Variants in ROBO2 observed in about 807,000 individuals in gnomAD.
ROBO2 encodes roundabout guidance receptor 2.
ROBO2 carries 53 observed loss-of-function variants against 160.8 expected under a neutral mutation model. The ratio of observed to expected loss-of-function variants is 0.33; its 90% CI spans 0.26 to 0.41. The LOEUF is 0.41. Among genes scored for constraint, ROBO2 ranks in the 10% least tolerant of loss-of-function variants. The pLI, the probability that ROBO2 is intolerant of heterozygous loss-of-function variation, is 1.00. For synonymous variants in ROBO2, 664 were observed against 611.7 expected (o/e 1.09, Z -1.26); for missense variants, 1,577 against 1,722.4 (o/e 0.92, Z 1.49).
intron 2 of ROBO2, among the ~76,000 whole-genome samples, chr3:75,997,054 C>T (rs1031724628): frequency 1.3e-5 from 2 of 152,122 alleles, no homozygotes; most frequent in African/African-American, 2.4e-5. Flanking sequence ...TATGTCATTT[C>T]TTTATTTGTC....
intron 2 of ROBO2, among the ~76,000 whole-genome samples, chr3:77,320,828 T>C (rs1010388751): frequency 1.5e-4 from 23 of 152,214 alleles, no homozygotes; most frequent in African/African-American, 5.5e-4. Flanking sequence ...TAAAACATTA[T>C]CTGATATGTG....
intron 21 of ROBO2, among the ~76,000 whole-genome samples, chr3:77,617,201 A>G (rs2094799049): frequency 6.7e-6 from 1 of 148,898 alleles, no homozygotes; most frequent in Non-Finnish European, 1.5e-5. Flanking sequence ...ATTGTCTTTA[A>G]TTAGCAATTT....
chr3:76,846,502 T>C (rs1439202770), intron 2 of ROBO2, among the ~76,000 whole-genome samples: 2 of 152,126 alleles, frequency 1.3e-5, no homozygotes, highest in Non-Finnish European at 2.9e-5. Context: ...TTTGTTTTCT[T>C]ACTTTAGTAT....
chr3:77,638,447 T>C (rs2095298991), intron 24 of ROBO2, among the ~76,000 whole-genome samples: 1 of 152,152 alleles, frequency 6.6e-6, no homozygotes, highest in Non-Finnish European at 1.5e-5. Context: ...GAGGTTGTAA[T>C]GGCAAGTGGC....
At chr3:77,324,937 G>A (rs1581079271) in intron 2 of ROBO2, among the ~76,000 whole-genome samples, 1 of 152,108 alleles carries the variant, frequency 6.6e-6, no homozygotes, top group Non-Finnish European at 1.5e-5. Flanking sequence ...CACCTTAGAA[G>A]TGATATTCTC....
At chr3:77,601,960 T>C (rs1407427059) in intron 19 of ROBO2, among the ~76,000 whole-genome samples, 1 of 152,118 alleles carries the variant, frequency 6.6e-6, no homozygotes, top group Non-Finnish European at 1.5e-5. Flanking sequence ...GTCTCATTCA[T>C]GGTTAAAGAA....
At chr3:77,493,566 C>G (rs377715520) in intron 5 of ROBO2, among the ~76,000 whole-genome samples, 184 bp downstream of exon 5, 7 of 152,178 alleles carry the variant, frequency 4.6e-5, no homozygotes, top group African/African-American at 1.7e-4. Flanking sequence ...CTTTCAATGT[C>G]ACTCTTTCAA....
intron 2 of ROBO2, among the ~76,000 whole-genome samples, chr3:77,255,573 C>A (rs2090834108): frequency 6.6e-6 from 1 of 152,156 alleles, no homozygotes; most frequent in Non-Finnish European, 1.5e-5. Flanking sequence ...ATTTGGGGAA[C>A]ACAGGATCCC....
intron 2 of ROBO2, among the ~76,000 whole-genome samples, chr3:76,531,620 CTTTTTT>C (rs74266991): frequency 1.3e-4 from 16 of 121,854 alleles, no homozygotes; most frequent in Non-Finnish European, 1.9e-4. Flanking sequence ...TGTACAGTTT[CTTTTTT>C]TTTTTTTTTT....
At chr3:77,540,766 C>T (rs775764) in intron 6 of ROBO2, among the ~76,000 whole-genome samples, 67,966 of 151,992 alleles carry the variant, frequency 0.45, 15,366 homozygotes, top group East Asian at 0.57. Context: ...CTGTGTTACT[C>T]ATGCCCTGAG....
At chr3:77,068,307 A>T (rs1302873102) in intron 1 of ROBO2, among the ~76,000 whole-genome samples, 1 of 152,146 alleles carries the variant, frequency 6.6e-6, no homozygotes, top group Non-Finnish European at 1.5e-5. Flanking sequence ...TGTGTTTGAA[A>T]GGAAATAAAA....
intron 2 of ROBO2, among the ~76,000 whole-genome samples, chr3:76,938,554 T>G (rs927869705): frequency 6.6e-6 from 1 of 152,040 alleles, no homozygotes; most frequent in Admixed American, 6.6e-5. Context: ...ATTCTAGAAA[T>G]TGATAGAAGG....
At chr3:77,041,866 A>C (rs1424061150) in intron 1 of ROBO2, among the ~76,000 whole-genome samples, 1 of 152,152 alleles carries the variant, frequency 6.6e-6, no homozygotes, top group Admixed American at 6.5e-5. Flanking sequence ...CTTGTAAAGA[A>C]CCTAAAGGGT....
At chr3:76,430,338 A>C (rs2076387071) in intron 2 of ROBO2, among the ~76,000 whole-genome samples, 1 of 152,194 alleles carries the variant, frequency 6.6e-6, no homozygotes, top group African/African-American at 2.4e-5. Flanking sequence ...TTTCAGTCAC[A>C]GTTAGTATGA....
chr3:76,930,041 C>T (rs2077237886), intron 2 of ROBO2, among the ~76,000 whole-genome samples: 1 of 151,568 alleles, frequency 6.6e-6, no homozygotes, highest in South Asian at 2.1e-4. Context: ...TTTTTTCTTT[C>T]GAGACAGATT....
chr3:76,725,014 C>G (rs1189001333), intron 2 of ROBO2, among the ~76,000 whole-genome samples: 1 of 152,118 alleles, frequency 6.6e-6, no homozygotes. Context: ...CCTAGAGTCT[C>G]TGCAGGGAAC....
At chr3:77,429,139 G>C (rs1049081350) in intron 2 of ROBO2, among the ~76,000 whole-genome samples, 13 of 152,136 alleles carry the variant, frequency 8.5e-5, no homozygotes, top group African/African-American at 3.1e-4. Context: ...ACACAAATCA[G>C]CTATTTATAT....
At chr3:76,773,101 T>G (rs560546081) in intron 2 of ROBO2, among the ~76,000 whole-genome samples, 1 of 151,216 alleles carries the variant, frequency 6.6e-6, no homozygotes, top group African/African-American at 2.4e-5. Context: ...GTTCATTGTT[T>G]CCATGTAAAG....
chr3:77,610,794 C>G (rs983661143), intron 21 of ROBO2, among the ~76,000 whole-genome samples: 1 of 99,060 alleles, frequency 1.0e-5, no homozygotes, highest in African/African-American at 3.7e-5. Context: ...CAATGAAAGA[C>G]GAGAAAACAG....
Sources: gnomAD v4.1 joint callset for allele counts (sites outside exome capture counted in the v4.1 genomes callset) on GRCh38, gnomAD v4.1.1 for gene constraint, MANE v1.5 for transcripts, NCBI Gene and HGNC (gene_info 2026-07-23, HGNC 2026-07-21) for gene names.